Variants in MAGOH observed in about 807,000 individuals in gnomAD.
The protein encoded by MAGOH is protein mago nashi homolog.
In MAGOH, 3 loss-of-function variants were observed where a neutral mutation model predicts 20.9. The observed-to-expected ratio is 0.14, with a 90% CI of 0.07 to 0.37. MAGOH has a LOEUF of 0.37. Ranked by LOEUF, MAGOH falls within the 10% of genes least tolerant of loss-of-function variation. The pLI is 1.00. For synonymous variants in MAGOH, 51 were observed against 61.0 expected, an observed-to-expected ratio of 0.84 and a Z score of 0.76; for missense variants, 66 against 178.1, an observed-to-expected ratio of 0.37 and a Z score of 3.58.
intron 3 of MAGOH, among the ~76,000 whole-genome samples, chr1:53,229,391 G>A (rs1158221570): frequency 2.6e-5 from 4 of 151,896 alleles, no homozygotes; most frequent in Non-Finnish European, 4.4e-5. Context: ...TAGTAGAGAC[G>A]GGGTTTCACC....
intron 3 of MAGOH, among the ~76,000 whole-genome samples, chr1:53,232,520 G>C (rs559980937): frequency 6.6e-6 from 1 of 152,298 alleles, no homozygotes; most frequent in East Asian, 1.9e-4. Flanking sequence ...AGATTGGATG[G>C]ACAGGCAAGA....
chr1:53,228,569 C>T (rs1219801497), intron 4 of MAGOH, among the ~76,000 whole-genome samples: 2 of 152,228 alleles, frequency 1.3e-5, no homozygotes, highest in South Asian at 2.1e-4. Context: ...GGTGACTCTA[C>T]AGTTTATCAT....
intron 4 of MAGOH, among the ~76,000 whole-genome samples, chr1:53,228,036 G>A (rs1645568778): frequency 6.6e-6 from 1 of 152,178 alleles, no homozygotes; most frequent in Non-Finnish European, 1.5e-5. Flanking sequence ...AGGATTCTTT[G>A]TAGCACATAG....
At chr1:53,236,718 G>A (rs915015043) in intron 1 of MAGOH, among the ~76,000 whole-genome samples, 1 of 152,104 alleles carries the variant, frequency 6.6e-6, no homozygotes, top group African/African-American at 2.4e-5. Context: ...CACCTAATGT[G>A]CTGTTTTATC....
intron 4 of MAGOH, 95 bp from the exon 5 acceptor site, chr1:53,227,239 T>C (rs1645564927): frequency 3.6e-6 from 2 of 555,992 alleles, no homozygotes. Flanking sequence ...CGGTATATTA[T>C]GAGGTAATTT....
chr1:53,232,287 T>A (rs542503711), intron 3 of MAGOH, among the ~76,000 whole-genome samples: 2 of 152,330 alleles, frequency 1.3e-5, no homozygotes, highest in South Asian at 4.1e-4. Context: ...TTCATATTAA[T>A]TTAACAAATA....
intron 3 of MAGOH, among the ~76,000 whole-genome samples, chr1:53,230,149 G>A (rs1028958500): frequency 3.3e-5 from 5 of 152,180 alleles, no homozygotes; most frequent in Non-Finnish European, 5.9e-5. Flanking sequence ...GCAAACCAAA[G>A]ATCTCTGCCC....
chr1:53,238,018 A>AT (rs1557729745), intron 1 of MAGOH, among the ~76,000 whole-genome samples: 2 of 152,048 alleles, frequency 1.3e-5, no homozygotes. Flanking sequence ...CTACCATGTT[A>AT]TTTTTTGACC....
chr1:53,227,465 T>A (rs983107309), intron 4 of MAGOH, among the ~76,000 whole-genome samples: 3 of 151,626 alleles, frequency 2.0e-5, no homozygotes, highest in Admixed American at 2.0e-4. Context: ...TTTTCCCCTT[T>A]CTACTTTTCT....
intron 1 of MAGOH, 86 bp from the exon 2 acceptor site, chr1:53,235,721 A>C: frequency 2.0e-6 from 2 of 980,032 alleles, no homozygotes; most frequent in Non-Finnish European, 3.2e-6. Flanking sequence ...GCAGTTGCCC[A>C]AAATGTATCT....
At chr1:53,237,582 G>A (rs1645618520) in intron 1 of MAGOH, among the ~76,000 whole-genome samples, 1 of 147,904 alleles carries the variant, frequency 6.8e-6, no homozygotes, top group African/African-American at 2.5e-5. Flanking sequence ...GCTGAGGCAG[G>A]AGAATCACTT....
intron 1 of MAGOH, 151 bp downstream of exon 1, chr1:53,238,210 G>A: frequency 1.5e-6 from 1 of 668,832 alleles, no homozygotes; most frequent in East Asian, 2.7e-5. Context: ...ACCCCGTGGA[G>A]CAGACACAGT....
intron 4 of MAGOH, among the ~76,000 whole-genome samples, 177 bp downstream of exon 4, chr1:53,228,695 A>T (rs1645572290): frequency 6.6e-6 from 1 of 152,226 alleles, no homozygotes; most frequent in Admixed American, 6.5e-5. Context: ...ACCAAAAGTA[A>T]TAGGAGCAAG....
At chr1:53,230,618 A>T (rs1395823983) in intron 3 of MAGOH, among the ~76,000 whole-genome samples, 1 of 151,926 alleles carries the variant, frequency 6.6e-6, no homozygotes, top group Non-Finnish European at 1.5e-5. Context: ...TTTGTAGAAA[A>T]AAAGGTCTCA....
At chr1:53,237,020 A>G (rs1488273950) in intron 1 of MAGOH, among the ~76,000 whole-genome samples, 1 of 143,146 alleles carries the variant, frequency 7.0e-6, no homozygotes, top group Non-Finnish European at 1.5e-5. Context: ...GCACTATCTC[A>G]GCTTGCTGCA....
chr1:53,233,488 T>G lies in MAGOH; in HGVS notation c.258+54A>C. The G allele has an allele frequency of 3.3e-6, 4 of 1,229,848 alleles. No individual in the cohort carries two copies. In the African/African-American group the frequency reaches 4.5e-5, roughly 14 times the overall value. 76.2% of individuals were successfully genotyped at this position (1,229,848 alleles called of 1,614,324 possible). On this transcript the variant is annotated intron_variant, in intron 3 of 4. Coordinates refer to ENST00000371470, the MANE Select transcript of MAGOH (RefSeq NM_002370.4). Reference sequence around the variant, plus strand: ...AAAGCTTTAAGTGGAGGAGGGAGTGTGGGGGGTCTTATTTGTAAGATTTCT... The same window carrying G: ...AAAGCTTTAAGTGGAGGAGGGAGTGGGGGGGGTCTTATTTGTAAGATTTCT...
At chr1:53,227,606 T>A (rs1645566766) in intron 4 of MAGOH, among the ~76,000 whole-genome samples, 1 of 152,180 alleles carries the variant, frequency 6.6e-6, no homozygotes, top group Admixed American at 6.5e-5. Context: ...AATGGCATGA[T>A]CTTGGCTCAC....
intron 4 of MAGOH, among the ~76,000 whole-genome samples, chr1:53,228,433 A>AAAT (rs922979859): frequency 1.2e-4 from 19 of 152,012 alleles, no homozygotes; most frequent in Admixed American, 2.0e-4. Flanking sequence ...CTCCATCTCA[A>AAAT]AATAATAATA....
At chr1:53,233,433 C>T (rs1645595799) in intron 3 of MAGOH, 109 bp downstream of exon 3, 11 of 699,524 alleles carry the variant, frequency 1.6e-5, no homozygotes, top group East Asian at 7.5e-5. Context: ...ATGCTTTGTC[C>T]ATAGTAGTTA....
Sources: gnomAD v4.1 joint callset for allele counts (sites outside exome capture counted in the v4.1 genomes callset) on GRCh38, gnomAD v4.1.1 for gene constraint, MANE v1.5 for transcripts, NCBI Gene and HGNC (gene_info 2026-07-23, HGNC 2026-07-21) for gene names.